Variants in DMD observed in about 807,000 individuals in gnomAD.
DMD encodes the protein mutant dystrophin.
A neutral mutation model predicts 330.1 loss-of-function variants in DMD; 63 were observed. That is an observed-to-expected ratio of 0.19 (90% CI 0.16 to 0.24). DMD has a LOEUF of 0.24. DMD is among the 10% of genes least tolerant of loss of function. The pLI, the probability that DMD is intolerant of heterozygous loss-of-function variation, is 1.00. For missense variants in DMD, 3,344 were observed against 2,684.1 expected (o/e 1.25, Z -5.43); for synonymous variants, 1,223 against 959.8 (o/e 1.27, Z -5.07).
chrX:32,445,918 T>C (rs1261022908), intron 27 of DMD, among the ~76,000 whole-genome samples: 1 of 111,266 alleles, frequency 9.0e-6, no homozygotes, highest in African/African-American at 3.2e-5. Context: ...AAGATGAGAC[T>C]ATTTCTCTAT....
chrX:32,067,346 T>C (rs1457067890), intron 44 of DMD, among the ~76,000 whole-genome samples: 2 of 111,276 alleles, frequency 1.8e-5, no homozygotes, highest in Non-Finnish European at 3.8e-5. Flanking sequence ...AATATTTATA[T>C]GACATCTTTT....
intron 55 of DMD, 128 bp from the exon 56 acceptor site, chrX:31,507,581 A>C (rs2071080163): frequency 3.0e-6 from 2 of 665,651 alleles, no homozygotes; most frequent in Non-Finnish European, 2.3e-6. Flanking sequence ...ATCAGGCTAA[A>C]CTAACAAGAA....
chrX:32,844,877 A>AG lies in DMD; in HGVS notation c.187-18dup. 8.5e-7 allele frequency: 1 copy of AG among 1,180,822 alleles called. No homozygotes were observed. Among genetic ancestry groups the AG allele is most frequent in the Non-Finnish European group, 1.2e-6 (1 of 867,283 alleles). On this transcript the variant is annotated splice_polypyrimidine_tract_variant and intron_variant, in intron 3 of 78. Coordinates refer to ENST00000357033, the MANE Select transcript of DMD (RefSeq NM_004006.3). ...TTCTTTTGGCTGAGAACAAAACAAA[A>AG]GAGTGTTCACTGACCAGCAGAGAGA...
At chrX:31,363,108 C>A (rs1018632601) in intron 60 of DMD, among the ~76,000 whole-genome samples, 1 of 112,322 alleles carries the variant, frequency 8.9e-6, no homozygotes, top group Non-Finnish European at 1.9e-5. Context: ...TGATTCTTAT[C>A]TGTTCACCAA....
intron 67 of DMD, among the ~76,000 whole-genome samples, chrX:31,190,238 G>C (rs1056664012): frequency 9.0e-6 from 1 of 111,708 alleles, no homozygotes; most frequent in Non-Finnish European, 1.9e-5. Flanking sequence ...ATCTGAAGAG[G>C]AGACTGTAGA....
At chrX:33,257,301 C>T (rs182607056) in intron 1 of DMD, among the ~76,000 whole-genome samples, 2 of 110,858 alleles carry the variant, frequency 1.8e-5, no homozygotes, top group Non-Finnish European at 1.9e-5. Context: ...GATGGTCCTC[C>T]CTCCAATTTT....
chrX:31,567,623 G>A (rs771823051), intron 55 of DMD, among the ~76,000 whole-genome samples: 1 of 111,016 alleles, frequency 9.0e-6, no homozygotes, highest in Non-Finnish European at 1.9e-5. Flanking sequence ...TTTTGTTGAT[G>A]GTTTTTGTCT....
intron 54 of DMD, among the ~76,000 whole-genome samples, chrX:31,649,524 G>C (rs756164215): frequency 9.0e-6 from 1 of 111,036 alleles, no homozygotes; most frequent in Non-Finnish European, 1.9e-5. Context: ...TCTCTGGCCC[G>C]GAGCCCCAAG....
chrX:32,501,978 T>C, intron 18 of DMD, 136 bp from the exon 19 acceptor site: 1 of 496,830 alleles, frequency 2.0e-6, no homozygotes, highest in South Asian at 3.2e-5. Flanking sequence ...AAAGACTTTT[T>C]CTCAACACTT....
At chrX:32,079,633 G>GA (rs1467005122) in intron 44 of DMD, among the ~76,000 whole-genome samples, 2 of 103,905 alleles carry the variant, frequency 1.9e-5, no homozygotes, top group African/African-American at 7.0e-5. Context: ...AAAAGAAAAA[G>GA]AAAAAAAAGA....
intron 47 of DMD, among the ~76,000 whole-genome samples, chrX:31,922,581 A>G (rs59148814): frequency 0.067 from 7,263 of 108,906 alleles, 220 homozygotes; most frequent in African/African-American, 0.1. Context: ...CTGAGCCCTC[A>G]ATCTATGGGA....
chrX:32,239,464 G>A (rs1485121668), intron 43 of DMD, among the ~76,000 whole-genome samples: 2 of 111,436 alleles, frequency 1.8e-5, no homozygotes, highest in African/African-American at 3.3e-5. Context: ...AGCCTACCCC[G>A]CTATCAACAT....
At chrX:32,543,305 G>GA (rs1378006482) in intron 17 of DMD, among the ~76,000 whole-genome samples, 1 of 108,583 alleles carries the variant, frequency 9.2e-6, no homozygotes, top group African/African-American at 3.3e-5. Context: ...ACTCTTTCCT[G>GA]AAAACAAAAA....
chrX:31,123,267 C>A (rs926157858), intron 78 of DMD, among the ~76,000 whole-genome samples: 13 of 111,377 alleles, frequency 1.2e-4, no homozygotes, highest in African/African-American at 3.9e-4. Flanking sequence ...ATTAAGGTGA[C>A]CAAGTTTGTA....
At chrX:31,639,575 T>G (rs1021167511) in intron 54 of DMD, among the ~76,000 whole-genome samples, 1 of 112,007 alleles carries the variant, frequency 8.9e-6, no homozygotes, top group Non-Finnish European at 1.9e-5. Flanking sequence ...ATGCCCCTCA[T>G]GGTATTTGAG....
intron 1 of DMD, among the ~76,000 whole-genome samples, chrX:33,027,275 C>T (rs1039207658): frequency 1.8e-5 from 2 of 111,557 alleles, no homozygotes; most frequent in East Asian, 5.7e-4. Context: ...GGACTTGGTC[C>T]GAGGTGGCTG....
intron 2 of DMD, among the ~76,000 whole-genome samples, chrX:32,917,982 A>G (rs1316037822): frequency 1.6e-5 from 1 of 64,028 alleles, no homozygotes; most frequent in African/African-American, 4.3e-5. Context: ...CATCTGCTAG[A>G]AAAAAAAAAA....
chrX:32,989,303 A>G (rs73468839), intron 2 of DMD, among the ~76,000 whole-genome samples: 4,298 of 111,783 alleles, frequency 0.038, 189 homozygotes, highest in African/African-American at 0.13. Context: ...TGACACCACT[A>G]TTCTGGTTTT....
chrX:32,601,944 C>T (rs2056253560), intron 12 of DMD, among the ~76,000 whole-genome samples: 1 of 111,835 alleles, frequency 8.9e-6, no homozygotes, highest in Admixed American at 9.5e-5. Context: ...AACTAAACTG[C>T]AATGACCTAA....
Sources: allele counts gnomAD v4.1 joint callset (sites outside exome capture counted in the v4.1 genomes callset), GRCh38; gene constraint gnomAD v4.1.1; transcripts MANE v1.5; gene names NCBI Gene and HGNC (gene_info 2026-07-23, HGNC 2026-07-21).